EMP1: variants seen among roughly 807,000 people sequenced by gnomAD.
EMP1 encodes epithelial membrane protein 1.
EMP1 carries 5 observed loss-of-function variants against 15.7 expected under a neutral mutation model. The ratio of observed to expected loss-of-function variants is 0.32; its 90% CI spans 0.17 to 0.67. The LOEUF is 0.67. Ranked by LOEUF, EMP1 falls within the 30% of genes least tolerant of loss-of-function variation. The pLI, the probability that EMP1 is intolerant of heterozygous loss-of-function variation, is 0.74. For synonymous variants in EMP1, 78 were observed against 76.7 expected, an observed-to-expected ratio of 1.02 and a Z score of -0.09; for missense variants, 166 against 194.2, an observed-to-expected ratio of 0.85 and a Z score of 0.86.
Position 13,213,559 on chromosome 12 carries a change from G to C in EMP1, c.159G>C (p.Leu53=), listed in dbSNP as rs775900383. Residue 53 remains leucine, a synonymous_variant, in exon 3 of 5, where the codon CTG becomes CTC. Transcript: ENST00000256951. ...CCAACATTAGCTGCAGTGACAGCCTGTCATATGCCAGTGAAGGTATATATA... is the reference window on the plus strand; with the variant it reads ...CCAACATTAGCTGCAGTGACAGCCTCTCATATGCCAGTGAAGGTATATATA... ...NCTNISCSDS[L]SYASEDALKT... 6.2e-7 allele frequency: 1 copy of C among 1,614,188 alleles called. No homozygotes were observed. Among genetic ancestry groups the C allele is most frequent in the South Asian group, 1.1e-5 (1 of 91,088 alleles).
Position 13,218,152 on chromosome 12 carries a change from T to G in EMP1, c.*3461T>G, listed in dbSNP as rs1378785790. 1 of 152,210 alleles carries G rather than the reference T, an allele frequency of 6.6e-6. No homozygotes were observed. Among genetic ancestry groups the G allele is most frequent in the Non-Finnish European group, 1.5e-5 (1 of 68,042 alleles). 9.4% of individuals were successfully genotyped at this position (152,210 alleles called of 1,614,324 possible). A position where few individuals can be genotyped will look rare whatever the true frequency, so the allele number is the denominator to read the frequency against. ...GATAACTTATTCATTCATCAAGGGA[T>G]AAACTTGAGTTATCAAATGGTTAAT... On this transcript the variant is annotated 3_prime_UTR_variant, in exon 5 of 5. Transcript: ENST00000256951.
rs1436196292 is a variant in EMP1, at chr12:13,214,612, A to G, written c.395A>G (p.Tyr132Cys). The change falls in exon 5 of 5, where the codon TAT becomes TGT. Residue 132 changes from tyrosine to cysteine, a missense_variant. Physicochemically the swap from Tyr to Cys is radical, Grantham distance 194. Transcript: ENST00000256951. ...NRDGTQYHHGYSYILGWICFC... is the reference protein window; with the variant it reads ...NRDGTQYHHGCSYILGWICFC... Reference sequence around the variant, plus strand: ...GATGGAACGCAGTATCACCACGGCTATTCCTACATCCTGGGCTGGATCTGC... The same window carrying G: ...GATGGAACGCAGTATCACCACGGCTGTTCCTACATCCTGGGCTGGATCTGC... 2 of 1,613,660 alleles carry G rather than the reference A, an allele frequency of 1.2e-6. No homozygotes were observed. The highest frequency in any genetic ancestry group is 1.7e-5 in the Admixed American group (1 of 59,970).
rs1345083385 is a variant in EMP1 at position 13,216,780 on chromosome 12, T to C, written c.*2089T>C. On this transcript the variant is annotated 3_prime_UTR_variant, in exon 5 of 5. Transcript: ENST00000256951. ...ACAGATTCTGATTCCCTTCATTGTG[T>C]GAATGTTTTTTTCTAAAAAAAATGT... 1 of 234,864 alleles carries C rather than the reference T, an allele frequency of 4.3e-6. No homozygotes were observed. The highest frequency in any genetic ancestry group is 8.2e-6 in the Non-Finnish European group (1 of 122,170). 14.5% of individuals were successfully genotyped at this position (234,864 alleles called of 1,614,324 possible). A position where few individuals can be genotyped will look rare whatever the true frequency, so the allele number is the denominator to read the frequency against.
chr12:13,199,964 CTTTTTTT>C (rs60389913), intron 1 of EMP1, among the ~76,000 whole-genome samples: 1 of 107,618 alleles, frequency 9.3e-6, no homozygotes, highest in African/African-American at 3.1e-5. Context: ...TCTTCTTCTT[CTTTTTTT>C]TTTTTTTTTT....
In EMP1 at chr12:13,211,744, A is replaced by C; in HGVS notation, c.78+156A>C. On this transcript the variant is annotated intron_variant, in intron 2 of 4. Transcript: ENST00000256951. This position sits in a 1 kb window ranked among gnomAD's most constrained non-coding sequence, Gnocchi z 4.7. ...TAAACACACGCTTGCCCTTCAAACAATTAAATAACAGGAGGATAAAAGTGA... is the reference window on the plus strand; with the variant it reads ...TAAACACACGCTTGCCCTTCAAACACTTAAATAACAGGAGGATAAAAGTGA... 1.4e-6 allele frequency: 1 copy of C among 736,748 alleles called. No homozygotes were observed. The highest frequency in any genetic ancestry group is 2.2e-6 in the Non-Finnish European group (1 of 444,806). The allele number at this position is 736,748 out of a possible 1,614,324, so 45.6% of individuals were successfully genotyped here.
At position 13,219,298 on chromosome 12, in the gene EMP1, A is replaced by T. The variant is rs1250336595; in HGVS notation, c.*4607A>T. 2.6e-5 allele frequency: 4 copies of T among 152,228 alleles called. No individual in the cohort carries two copies. The highest frequency in any genetic ancestry group is 1.3e-4 in the Admixed American group (2 of 15,280). 9.4% of individuals were successfully genotyped at this position (152,228 alleles called of 1,614,324 possible). ...AACTCAAGCTTCTGGTTAACTGCTG[A>T]TCTATTGGCAACTCCAGTTCCCAAT... On this transcript the variant is annotated 3_prime_UTR_variant, in exon 5 of 5. Coordinates refer to ENST00000256951, the MANE Select transcript of EMP1 (RefSeq NM_001423.3).
At position 13,211,326 on chromosome 12, in the gene EMP1, T is replaced by C; in HGVS notation, c.-42-143T>C. 1.5e-6 allele frequency: 1 copy of C among 654,114 alleles called. No homozygotes were observed. The highest frequency in any genetic ancestry group is 2.7e-6 in the Non-Finnish European group (1 of 374,300). The allele number at this position is 654,114 out of a possible 1,614,324, so 40.5% of individuals were successfully genotyped here. A position where few individuals can be genotyped will look rare whatever the true frequency, so the allele number is the denominator to read the frequency against. On this transcript the variant is annotated intron_variant, in intron 1 of 4. Transcript: ENST00000256951. This position sits in a 1 kb window ranked among gnomAD's most constrained non-coding sequence, Gnocchi z 4.7. ...AAATCAGAACTAGGTTACAGGGGTG[T>C]TTTCAGGAATTTATGATTAGATTGT...
intron 1 of EMP1, among the ~76,000 whole-genome samples, chr12:13,203,823 A>G (rs186719763): frequency 6.6e-6 from 1 of 152,346 alleles, no homozygotes; most frequent in East Asian, 1.9e-4. Context: ...TGATTTTTCT[A>G]AAGTCAGAAG....
At chr12:13,198,559 C>T (rs903867715) in intron 1 of EMP1, among the ~76,000 whole-genome samples, 9 of 152,230 alleles carry the variant, frequency 5.9e-5, no homozygotes, top group African/African-American at 2.2e-4. Flanking sequence ...ACATTTGCTT[C>T]ACATGTTTAT....
At chr12:13,197,627 T>G (rs1450675502) in intron 1 of EMP1, among the ~76,000 whole-genome samples, 1 of 151,960 alleles carries the variant, frequency 6.6e-6, no homozygotes, top group African/African-American at 2.4e-5. Flanking sequence ...ATACAAAAAG[T>G]AGCCAGGCAT....
intron 1 of EMP1, among the ~76,000 whole-genome samples, chr12:13,207,198 G>A (rs529021776): frequency 2.6e-5 from 4 of 152,122 alleles, no homozygotes; most frequent in African/African-American, 7.2e-5. Flanking sequence ...TGCAACCTCC[G>A]CCTCCCTGGT....
At chr12:13,214,025 G>C in intron 4 of EMP1, 1 of 792,078 alleles carries the variant, frequency 1.3e-6, no homozygotes, top group Non-Finnish European at 2.1e-6. Flanking sequence ...CAAAACCAGT[G>C]CTCCTGGGTA....
rs1041621738 is a variant in EMP1 at position 13,211,585 on chromosome 12, C to T, written c.75C>T (p.Ala25=). 6.2e-7 allele frequency: 1 copy of T among 1,613,720 alleles called. No individual in the cohort carries two copies. The highest frequency in any genetic ancestry group is 1.3e-5 in the African/African-American group (1 of 75,012). Residue 25 remains alanine (A), a synonymous_variant, in exon 2 of 5, where the codon GCC becomes GCT. Transcript: ENST00000256951. The surrounding 1 kb of genome is among the most constrained non-coding windows in gnomAD (Gnocchi z 4.7). ...TVIMLFVSTI[A]NVWLVSNTVD... is the part of the protein sequence containing the mutation. ...TTATGCTATTTGTTAGCACCATTGCCAATGTGAGTAATGTTCTTTTGTTCA... is the reference window on the plus strand; with the variant it reads ...TTATGCTATTTGTTAGCACCATTGCTAATGTGAGTAATGTTCTTTTGTTCA...
intron 1 of EMP1, among the ~76,000 whole-genome samples, chr12:13,200,282 A>G (rs533558499): frequency 6.6e-5 from 10 of 152,188 alleles, no homozygotes; most frequent in African/African-American, 2.2e-4. Context: ...GGATTGTCCC[A>G]TAATTTGGTC....
Position 13,219,292 on chromosome 12 carries a change from CT to C in EMP1, c.*4602del, listed in dbSNP as rs1175857100. 2 of 152,224 alleles carry C rather than the reference CT, an allele frequency of 1.3e-5. No individual in the cohort carries two copies. Among genetic ancestry groups the C allele is most frequent in the African/African-American group, 4.8e-5 (2 of 41,446 alleles). 9.4% of individuals were successfully genotyped at this position (152,224 alleles called of 1,614,324 possible). On this transcript the variant is annotated 3_prime_UTR_variant, in exon 5 of 5. Coordinates refer to ENST00000256951, the MANE Select transcript of EMP1 (RefSeq NM_001423.3). ...ATACTCAACTCAAGCTTCTGGTTAA[CT>C]GCTGATCTATTGGCAACTCCAGTTC...
Position 13,216,642 on chromosome 12 carries a change from T to G in EMP1, c.*1951T>G, listed in dbSNP as rs773255752. ...CATTTATGTCTCATGTAATTTGCAT[T>G]ACTCTGGTGGATTGTTCTAGTACTG... On this transcript the variant is annotated 3_prime_UTR_variant, in exon 5 of 5. Coordinates refer to ENST00000256951, the MANE Select transcript of EMP1 (RefSeq NM_001423.3). 32 of 599,270 alleles carry G rather than the reference T, an allele frequency of 5.3e-5. No homozygotes were observed. The highest frequency in any genetic ancestry group is 4.3e-4 in the Middle Eastern group (1 of 2,320). 37.1% of individuals were successfully genotyped at this position (599,270 alleles called of 1,614,324 possible).
At chr12:13,206,426 C>A (rs1864111005) in intron 1 of EMP1, among the ~76,000 whole-genome samples, 1 of 152,166 alleles carries the variant, frequency 6.6e-6, no homozygotes, top group Admixed American at 6.5e-5. Flanking sequence ...GGGCCTCCCC[C>A]AGTGTTTGCA....
At chr12:13,202,785 G>A (rs1190084577) in intron 1 of EMP1, among the ~76,000 whole-genome samples, 5 of 152,060 alleles carry the variant, frequency 3.3e-5, no homozygotes, top group Non-Finnish European at 5.9e-5. Context: ...GGTATATGCT[G>A]ACTCTCTGAT....
At position 13,218,976 on chromosome 12, in the gene EMP1, A is replaced by C. The variant is rs928835198; in HGVS notation, c.*4285A>C. ...CCTCATGACCCTATCTCATGCCATG[A>C]GCAATTGTCTGGCATCTCCTGTGGG... On this transcript the variant is annotated 3_prime_UTR_variant, in exon 5 of 5. Coordinates refer to ENST00000256951, the MANE Select transcript of EMP1 (RefSeq NM_001423.3). The C allele has an allele frequency of 2.0e-5, 3 of 152,184 alleles. No individual in the cohort carries two copies. Among genetic ancestry groups the C allele is most frequent in the African/African-American group, 7.2e-5 (3 of 41,428 alleles). The allele number at this position is 152,184 out of a possible 1,614,324, so 9.4% of individuals were successfully genotyped here.
Sources: allele counts gnomAD v4.1 joint callset (sites outside exome capture counted in the v4.1 genomes callset), GRCh38; gene constraint gnomAD v4.1.1; non-coding constraint Gnocchi (gnomAD v3.1); transcripts MANE v1.5; gene names NCBI Gene and HGNC (gene_info 2026-07-23, HGNC 2026-07-21).